The following ISCU variants were observed in gnomAD, a reference collection of about 807,000 sequenced individuals.
ISCU encodes iron-sulfur cluster assembly enzyme ISCU.
Under a neutral mutation model 18.4 loss-of-function variants are expected in ISCU, and 13 were observed. That is an observed-to-expected ratio of 0.71 (90% CI 0.46 to 1.12). ISCU has a LOEUF of 1.12. Ranked by LOEUF, ISCU falls within the 50% of genes most tolerant of loss-of-function variation. ISCU has a pLI of 0.00. For synonymous variants in ISCU, 104 were observed against 87.5 expected (o/e 1.19, Z -1.06); for missense variants, 229 against 208.7 (o/e 1.10, Z -0.60).
Position 108,569,140 on chromosome 12 carries a change from A to T in ISCU, c.*224A>T. ...CACTTTTATCGCCTTAACCTAGTTA[A>T]TGTATATTTTGAATTGTGTGTATGA... On this transcript the variant is annotated 3_prime_UTR_variant, in exon 5 of 5. Coordinates refer to ENST00000311893, the MANE Select transcript of ISCU (RefSeq NM_213595.4). The T allele has an allele frequency of 3.6e-6, 2 of 559,284 alleles. No homozygotes were observed. Among genetic ancestry groups the T allele is most frequent in the Non-Finnish European group, 6.4e-6 (2 of 312,026 alleles). 34.6% of individuals were successfully genotyped at this position (559,284 alleles called of 1,614,324 possible). A position where few individuals can be genotyped will look rare whatever the true frequency, so the allele number is the denominator to read the frequency against.
Position 108,562,622 on chromosome 12 carries a change from G to A in ISCU, c.-1G>A, listed in dbSNP as rs1250568004. 2 of 1,465,288 alleles carry A rather than the reference G, an allele frequency of 1.4e-6. No homozygotes were observed. The highest frequency in any genetic ancestry group is 1.8e-6 in the Non-Finnish European group (2 of 1,113,428). The allele number at this position is 1,465,288 out of a possible 1,614,324, so 90.8% of individuals were successfully genotyped here. On this transcript the variant is annotated 5_prime_UTR_variant, in exon 1 of 5. Transcript: ENST00000311893. ...GACTGGCGCAGGCGCAAGCCGGCAA[G>A]ATGGCGGCGGCTGGGGCTTTCCGTC...
At chr12:108,562,153 C>T (rs1351397071), upstream of ISCU, among the ~76,000 whole-genome samples, 1 of 152,148 alleles carries the variant, frequency 6.6e-6, no homozygotes, top group Non-Finnish European at 1.5e-5. Flanking sequence ...AGGAAGGAAC[C>T]GAACCAGGAT....
chr12:108,561,945 T>C (rs1178637888), upstream of ISCU, among the ~76,000 whole-genome samples: 1 of 152,232 alleles, frequency 6.6e-6, no homozygotes, highest in African/African-American at 2.4e-5. Context: ...CCTTGCTCCC[T>C]CATTAGCAGG....
At position 108,564,404 on chromosome 12, in the gene ISCU, CT is replaced by C. The variant is rs1263405842; in HGVS notation, c.228+18del. ...TAATGAAATTACAGGTATGGCTAGT[CT>C]TTTTTAATAGTGATAACAATAATCC... On this transcript the variant is annotated intron_variant, in intron 2 of 4. Transcript: ENST00000311893. 1.3e-6 allele frequency: 2 copies of C among 1,543,096 alleles called. No homozygotes were observed. Among genetic ancestry groups the C allele is most frequent in the Non-Finnish European group, 9.0e-7 (1 of 1,115,286 alleles).
At chr12:108,566,638 G>C (rs917775706) in intron 3 of ISCU, among the ~76,000 whole-genome samples, 1 of 152,158 alleles carries the variant, frequency 6.6e-6, no homozygotes, top group Non-Finnish European at 1.5e-5. Context: ...CAGACCCCAG[G>C]CATCCTCTTT....
upstream of ISCU, chr12:108,561,494 C>G (rs1309251949): frequency 4.0e-6 from 1 of 248,246 alleles, no homozygotes; most frequent in African/African-American, 2.2e-5. Flanking sequence ...TTGAGAAGGT[C>G]AAAGTGATTC....
In ISCU at chr12:108,568,836, G is replaced by C; in HGVS notation, c.424G>C (p.Ala142Pro). The C allele has an allele frequency of 6.2e-7, 1 of 1,612,976 alleles. No individual in the cohort carries two copies. Among genetic ancestry groups the C allele is most frequent in the South Asian group, 1.1e-5 (1 of 90,680 alleles). Residue 142 changes from alanine to proline, a missense_variant, in exon 5 of 5, where the codon GCT (alanine) becomes CCT (proline). Ala to Pro is a conservative substitution (Grantham distance 27, BLOSUM62 -1). Transcript: ENST00000311893. The stretch of plus-strand genomic sequence containing the variant: ...TTTCCTTCCGTTACTTCCAGTGCTG[G>C]CTGAAGATGCAATCAAGGCCGCCCT... The part of the protein sequence containing the change: ...PPVKLHCSML[A>P]EDAIKAALAD...
chr12:108,568,779 C>A, intron 4 of ISCU, 52 bp from the exon 5 acceptor site: 1 of 1,578,952 alleles, frequency 6.3e-7, no homozygotes, highest in South Asian at 1.2e-5. Context: ...ATTCCCAAGT[C>A]CATTTCTTTC....
At chr12:108,565,562 A>C in intron 3 of ISCU, 131 bp downstream of exon 3, 1 of 698,982 alleles carries the variant, frequency 1.4e-6, no homozygotes, top group Admixed American at 2.3e-5. Context: ...GGAATTATGG[A>C]TCATTCTACT....
intron 1 of ISCU, 125 bp downstream of exon 1, chr12:108,562,861 C>A: frequency 2.1e-6 from 1 of 470,582 alleles, no homozygotes; most frequent in Non-Finnish European, 3.6e-6. Flanking sequence ...CCCTGACTCG[C>A]TTTCCCTTGC....
chr12:108,562,129 A>G (rs2030598695), upstream of ISCU, among the ~76,000 whole-genome samples: 1 of 152,220 alleles, frequency 6.6e-6, no homozygotes, highest in African/African-American at 2.4e-5. Context: ...CCATTCGTCT[A>G]GGGACACACA....
chr12:108,568,995 G>T lies in ISCU; in HGVS notation c.*79G>T. 2.5e-6 allele frequency: 3 copies of T among 1,218,458 alleles called. No homozygotes were observed. In the South Asian group the frequency reaches 3.8e-5, roughly 16 times the overall value. The allele number at this position is 1,218,458 out of a possible 1,614,324, so 75.5% of individuals were successfully genotyped here. On this transcript the variant is annotated 3_prime_UTR_variant, in exon 5 of 5. Coordinates refer to ENST00000311893, the MANE Select transcript of ISCU (RefSeq NM_213595.4). ...GTGCAGTCACCTTAGATGTTCAGAA[G>T]CCGCTTCCTCTCCACTGAAGAGCTA... is the stretch of plus-strand genomic sequence containing the variant.
At chr12:108,566,281 C>G (rs1032209694) in intron 3 of ISCU, among the ~76,000 whole-genome samples, 3 of 152,260 alleles carry the variant, frequency 2.0e-5, no homozygotes, top group Non-Finnish European at 2.9e-5. Flanking sequence ...CAGACCTAAC[C>G]TGCTGTGGCA....
rs201875179 is a variant in ISCU at position 108,564,377 on chromosome 12, C to T, written c.213C>T (p.Asp71=). The T allele has an allele frequency of 2.9e-5, 47 of 1,611,838 alleles. 1 individual carries two copies. Among genetic ancestry groups the T allele is most frequent in the South Asian group, 2.6e-4 (24 of 91,052 alleles). Reference sequence around the variant, plus strand: ...TGGTGGGGGCTCCAGCATGTGGTGACGTAATGAAATTACAGGTATGGCTAG... The same window carrying T: ...TGGTGGGGGCTCCAGCATGTGGTGATGTAATGAAATTACAGGTATGGCTAG... The part of the protein sequence containing the change: ...TGLVGAPACG[D]VMKLQIQVDE... The change falls in exon 2 of 5, where the codon GAC becomes GAT. Residue 71 remains aspartate, a synonymous_variant. Transcript: ENST00000311893.
chr12:108,567,233 A>T lies in ISCU; in HGVS notation c.383A>T (p.Glu128Val), dbSNP rs757239278. ...ATCAAAAACACAGATATCGCCAAGGAGCTCTGCCTTCCTCCCGTGAAACTG... is the reference window on the plus strand; with the variant it reads ...ATCAAAAACACAGATATCGCCAAGGTGCTCTGCCTTCCTCCCGTGAAACTG... ...LTIKNTDIAK[E>V]LCLPPVKLHC... The change falls in exon 4 of 5, where the codon GAG becomes GTG. Residue 128 changes from glutamate (E) to valine (V), a missense_variant. Physicochemically the swap from Glu to Val is moderately radical, Grantham distance 121 (BLOSUM62 -2). Coordinates refer to ENST00000311893, the MANE Select transcript of ISCU (RefSeq NM_213595.4). The T allele has an allele frequency of 6.2e-7, 1 of 1,614,064 alleles. No individual in the cohort carries two copies. The highest frequency in any genetic ancestry group is 8.5e-7 in the Non-Finnish European group (1 of 1,179,966).
At chr12:108,566,690 C>G (rs867213443) in intron 3 of ISCU, among the ~76,000 whole-genome samples, 2 of 152,182 alleles carry the variant, frequency 1.3e-5, no homozygotes, top group Non-Finnish European at 2.9e-5. Flanking sequence ...AAGGGGACAC[C>G]AAAGAGAGCA....
upstream of ISCU, among the ~76,000 whole-genome samples, chr12:108,561,845 A>AT (rs573746099): frequency 5.3e-4 from 80 of 151,890 alleles, no homozygotes; most frequent in African/African-American, 1.9e-3. Context: ...AGACATATTC[A>AT]TTTTTTTTCA....
At chr12:108,562,887 A>G (rs2030679913) in intron 1 of ISCU, 151 bp downstream of exon 1, 2 of 426,472 alleles carry the variant, frequency 4.7e-6, no homozygotes, top group African/African-American at 4.1e-5. Context: ...AGTGAGGCTC[A>G]CTGCAACTGA....
intron 3 of ISCU, among the ~76,000 whole-genome samples, chr12:108,565,849 G>A (rs1001658224): frequency 3.9e-5 from 6 of 152,168 alleles, no homozygotes; most frequent in African/African-American, 9.7e-5. Context: ...TGTTAAAAGA[G>A]GGATTAAATA....
Sources: allele counts gnomAD v4.1 joint callset (sites outside exome capture counted in the v4.1 genomes callset), GRCh38; gene constraint gnomAD v4.1.1; transcripts MANE v1.5; gene names NCBI Gene and HGNC (gene_info 2026-07-23, HGNC 2026-07-21).